The following OGDH variants were observed in gnomAD, a reference collection of about 807,000 sequenced individuals.
OGDH encodes the protein 2-oxoglutarate dehydrogenase complex component E1.
In OGDH, 38 loss-of-function variants were observed where a neutral mutation model predicts 116.6. That is an observed-to-expected ratio of 0.33 (90% CI 0.25 to 0.43). The LOEUF is 0.43. Among genes scored for constraint, OGDH ranks in the 20% least tolerant of loss-of-function variants. The pLI is 1.00. For synonymous variants in OGDH, 488 were observed against 533.3 expected, an observed-to-expected ratio of 0.92 and a Z score of 1.17; for missense variants, 825 against 1,357.2, an observed-to-expected ratio of 0.61 and a Z score of 6.16.
intron 10 of OGDH, among the ~76,000 whole-genome samples, chr7:44,685,351 A>G (rs1454405285): frequency 3.9e-5 from 6 of 152,182 alleles, no homozygotes; most frequent in East Asian, 1.9e-4. Flanking sequence ...AGGACTTCAT[A>G]TAAATGGAAT....
At chr7:44,612,723 G>A (rs976450807) in intron 1 of OGDH, among the ~76,000 whole-genome samples, 4 of 150,540 alleles carry the variant, frequency 2.7e-5, no homozygotes, top group African/African-American at 9.7e-5. Context: ...TTGAGGCAGG[G>A]TCTTACTCTG....
chr7:44,676,847 A>G (rs1249949455), intron 9 of OGDH, among the ~76,000 whole-genome samples: 2 of 152,096 alleles, frequency 1.3e-5, no homozygotes, highest in Non-Finnish European at 2.9e-5. Flanking sequence ...GTAAGGAAAA[A>G]GTGTAGGTGA....
At chr7:44,667,236 CCTGT>C (rs1464541438) in intron 5 of OGDH, among the ~76,000 whole-genome samples, 3 of 152,110 alleles carry the variant, frequency 2.0e-5, no homozygotes, top group South Asian at 2.1e-4. Flanking sequence ...CAAACATGAA[CCTGT>C]CTGTCTTTTT....
intron 10 of OGDH, 42 bp downstream of exon 10, chr7:44,681,890 T>A (rs1787943029): frequency 6.2e-7 from 1 of 1,603,524 alleles, no homozygotes; most frequent in African/African-American, 1.3e-5. Context: ...CACATCAGTC[T>A]TACTTAGAAT....
chr7:44,653,055 G>A (rs1786522898), intron 4 of OGDH, among the ~76,000 whole-genome samples: 1 of 151,954 alleles, frequency 6.6e-6, no homozygotes. Flanking sequence ...AGAAATTCTT[G>A]CCCTCAGTTT....
intron 2 of OGDH, among the ~76,000 whole-genome samples, chr7:44,643,912 T>A (rs776424043): frequency 4.1e-4 from 62 of 152,164 alleles, no homozygotes; most frequent in African/African-American, 1.3e-3. Flanking sequence ...ATTTTTTTTT[T>A]AAACTGATGT....
Position 44,707,657 on chromosome 7 carries a change from G to C in OGDH, c.2872G>C (p.Glu958Gln). 1 of 1,614,204 alleles carries C rather than the reference G, an allele frequency of 6.2e-7. No homozygotes were observed. The highest frequency in any genetic ancestry group is 8.5e-7 in the Non-Finnish European group (1 of 1,180,040). Residue 958 changes from glutamate (E) to glutamine (Q), a missense_variant, in exon 22 of 23, where the codon GAG (glutamate) becomes CAG (glutamine). Glu to Gln is a conservative substitution (Grantham distance 29). Around this residue, in one of 7 missense-constraint regions of OGDH, gnomAD observed 212 missense variants for 284.3 expected, o/e 0.75. Coordinates refer to ENST00000222673, the MANE Select transcript of OGDH (RefSeq NM_002541.4). This position sits in a 1 kb window ranked among gnomAD's most constrained non-coding sequence, Gnocchi z 5.2. ...CAATGCTGAGCTGGCCTGGTGCCAG[G>C]AGGAGCACAAGAACCAAGGCTACTA... is the stretch of plus-strand genomic sequence containing the variant. ...YPNAELAWCQ[E>Q]EHKNQGYYDY... is the part of the protein sequence containing the mutation.
intron 2 of OGDH, among the ~76,000 whole-genome samples, chr7:44,633,865 G>A (rs1785550968): frequency 6.6e-6 from 1 of 152,214 alleles, no homozygotes; most frequent in African/African-American, 2.4e-5. Flanking sequence ...GCCATTGTGT[G>A]CAGATCTGGG....
intron 4 of OGDH, among the ~76,000 whole-genome samples, chr7:44,654,212 A>G (rs1238037395): frequency 6.6e-6 from 1 of 152,264 alleles, no homozygotes; most frequent in African/African-American, 2.4e-5. Context: ...AACCAATTGT[A>G]TAAATAAATG....
Position 44,697,810 on chromosome 7 carries a change from C to T in OGDH, c.2358+28C>T. 6.2e-7 allele frequency: 1 copy of T among 1,602,006 alleles called. No individual in the cohort carries two copies. The highest frequency in any genetic ancestry group is 2.2e-5 in the East Asian group (1 of 44,814). On this transcript the variant is annotated intron_variant, in intron 17 of 22. Coordinates refer to ENST00000222673, the MANE Select transcript of OGDH (RefSeq NM_002541.4). The surrounding 1 kb of genome is among the most constrained non-coding windows in gnomAD (Gnocchi z 6.0). ...GAGCCTCTGGCCCTTCCCTGCCAGA[C>T]CTAGGACTTGGGAAGGGCCTGTGTA... is the stretch of plus-strand genomic sequence containing the variant.
intron 14 of OGDH, 51 bp downstream of exon 14, chr7:44,696,608 CGACGA>C: frequency 6.2e-7 from 1 of 1,608,962 alleles, no homozygotes; most frequent in East Asian, 2.2e-5. Flanking sequence ...AGGCCAGGGG[CGACGA>C]CTGTCTAGGA....
At chr7:44,661,572 T>A (rs551151883) in intron 4 of OGDH, among the ~76,000 whole-genome samples, 9 of 151,970 alleles carry the variant, frequency 5.9e-5, no homozygotes, top group South Asian at 2.1e-4. Flanking sequence ...CATTTAAAAA[T>A]TTTTTTTTAA....
At chr7:44,616,743 AAGTG>A (rs1170872702) in intron 1 of OGDH, among the ~76,000 whole-genome samples, 5 of 145,258 alleles carry the variant, frequency 3.4e-5, no homozygotes, top group Non-Finnish European at 7.5e-5. Flanking sequence ...ATACGTATAT[AAGTG>A]TATATGTGTA....
chr7:44,676,457 A>C (rs965376465), intron 9 of OGDH: 1 of 428,992 alleles, frequency 2.3e-6, no homozygotes, highest in Non-Finnish European at 4.1e-6. Flanking sequence ...CAGGAGGCTG[A>C]GGCAGGAGAA....
intron 1 of OGDH, among the ~76,000 whole-genome samples, chr7:44,617,123 G>A (rs938934531): frequency 2.0e-5 from 3 of 151,104 alleles, no homozygotes; most frequent in African/African-American, 7.3e-5. Flanking sequence ...AGTAGAGGCG[G>A]GGTTTCAGCA....
At chr7:44,613,451 C>G (rs1007525644) in intron 1 of OGDH, among the ~76,000 whole-genome samples, 3 of 152,214 alleles carry the variant, frequency 2.0e-5, no homozygotes, top group Non-Finnish European at 2.9e-5. Context: ...AGCTCTGCCA[C>G]CCAGGTTCAC....
intron 2 of OGDH, among the ~76,000 whole-genome samples, chr7:44,645,076 G>A (rs1585275814): frequency 1.3e-5 from 2 of 152,240 alleles, no homozygotes; most frequent in South Asian, 4.1e-4. Context: ...GCGGCCACAG[G>A]GCATCTGTGT....
rs1787283113 is a variant in OGDH at position 44,668,487 on chromosome 7, T to G, written c.633+1636T>G. Among the ~76,000 whole-genome samples, 4 of 152,186 alleles carry G rather than the reference T, an allele frequency of 2.6e-5. No homozygotes were observed. In the South Asian group the frequency reaches 8.3e-4, roughly 31 times the overall value. On this transcript the variant is annotated intron_variant, in intron 5 of 22. Coordinates refer to ENST00000222673, the MANE Select transcript of OGDH (RefSeq NM_002541.4). Reference sequence around the variant, plus strand: ...TCCAGTGCTGGCATTTTCTGTAGTTTGTGATGAGCATCCTGAAGTATTGTC... The same window carrying G: ...TCCAGTGCTGGCATTTTCTGTAGTTGGTGATGAGCATCCTGAAGTATTGTC...
intron 1 of OGDH, among the ~76,000 whole-genome samples, chr7:44,616,374 C>T (rs1191485732): frequency 6.6e-6 from 1 of 152,018 alleles, no homozygotes; most frequent in East Asian, 1.9e-4. Context: ...GTCTTCAGAC[C>T]TATATACTGA....
Sources: allele counts gnomAD v4.1 joint callset (sites outside exome capture counted in the v4.1 genomes callset), GRCh38; gene constraint gnomAD v4.1.1; regional missense constraint gnomAD v4.1.1; non-coding constraint Gnocchi (gnomAD v3.1); transcripts MANE v1.5; gene names NCBI Gene and HGNC (gene_info 2026-07-23, HGNC 2026-07-21).